The following ASXL2 variants were observed in gnomAD, a reference collection of about 807,000 sequenced individuals.
ASXL2 encodes the protein putative Polycomb group protein ASXL2.
In ASXL2, 23 loss-of-function variants were observed where a neutral mutation model predicts 122.0. That is an observed-to-expected ratio of 0.19 (90% CI 0.14 to 0.27). The LOEUF (loss-of-function observed/expected upper bound fraction) is 0.27, where lower values mean the gene tolerates loss of function less well. ASXL2 is among the 10% of genes least tolerant of loss of function. ASXL2 has a pLI of 1.00. For synonymous variants in ASXL2, 650 were observed against 637.0 expected, an observed-to-expected ratio of 1.02 and a Z score of -0.31; for missense variants, 1,518 against 1,713.8, an observed-to-expected ratio of 0.89 and a Z score of 2.02.
chr2:25,845,541 G>A lies in ASXL2; in HGVS notation c.80C>T (p.Thr27Ile). The change falls in exon 2 of 13, where the codon ACA becomes ATA. Residue 27 changes from threonine to isoleucine, a missense_variant. Physicochemically the swap from Thr to Ile is moderately conservative, Grantham distance 89 (BLOSUM62 -1). Transcript: ENST00000435504. ...AKTVLEKYPN[T>I]PMSHKEILQV... Reference sequence around the variant, plus strand: ...AAGAATTTCTTTATGACTCATGGGTGTATTGGGGTATTTTTCTAAGACCTG... The same window carrying A: ...AAGAATTTCTTTATGACTCATGGGTATATTGGGGTATTTTTCTAAGACCTG... The A allele has an allele frequency of 6.9e-7, 1 of 1,447,632 alleles. No individual in the cohort carries two copies. Among genetic ancestry groups the A allele is most frequent in the Non-Finnish European group, 9.2e-7 (1 of 1,091,566 alleles). The allele number at this position is 1,447,632 out of a possible 1,614,324, so 89.7% of individuals were successfully genotyped here.
intron 8 of ASXL2, among the ~76,000 whole-genome samples, chr2:25,767,111 C>A (rs1301587327): frequency 6.6e-6 from 1 of 152,054 alleles, no homozygotes; most frequent in Non-Finnish European, 1.5e-5. Flanking sequence ...TTTTGTATTT[C>A]TATATTATCA....
intron 1 of ASXL2, among the ~76,000 whole-genome samples, chr2:25,871,988 A>G (rs1052273060): frequency 2.0e-5 from 3 of 152,222 alleles, no homozygotes; most frequent in African/African-American, 7.2e-5. Context: ...TGAAAAGGAG[A>G]AATAAATTAT....
intron 6 of ASXL2, 77 bp downstream of exon 6, chr2:25,771,363 A>G: frequency 7.4e-7 from 1 of 1,349,924 alleles, no homozygotes; most frequent in Non-Finnish European, 1.0e-6. Context: ...TTTTCAAAAA[A>G]TATCCGATGA....
intron 3 of ASXL2, chr2:25,822,622 A>G (rs1264336178): frequency 1.4e-5 from 8 of 560,390 alleles, no homozygotes; most frequent in Non-Finnish European, 2.7e-5. Flanking sequence ...ATTTAAATGA[A>G]GTTGATCTTT....
At chr2:25,871,930 T>C (rs182344605) in intron 1 of ASXL2, among the ~76,000 whole-genome samples, 143 of 152,354 alleles carry the variant, frequency 9.4e-4, no homozygotes, top group Non-Finnish European at 1.1e-3. Context: ...ATCAGAGCAG[T>C]TCCTCAATTT....
chr2:25,818,371 C>T (rs1189013626), intron 3 of ASXL2, among the ~76,000 whole-genome samples: 1 of 152,138 alleles, frequency 6.6e-6, no homozygotes, highest in Non-Finnish European at 1.5e-5. Flanking sequence ...CTTAGCTGGG[C>T]ATGGTGGCGG....
chr2:25,758,019 C>T (rs2088170658), intron 9 of ASXL2, among the ~76,000 whole-genome samples: 5 of 151,964 alleles, frequency 3.3e-5, no homozygotes, highest in Non-Finnish European at 7.4e-5. Flanking sequence ...CAAGAACTGG[C>T]ATCCTCAAAG....
chr2:25,821,320 G>A (rs1042025523), intron 3 of ASXL2, among the ~76,000 whole-genome samples: 1 of 151,564 alleles, frequency 6.6e-6, no homozygotes, highest in Non-Finnish European at 1.5e-5. Flanking sequence ...CTGTACCACT[G>A]CACTCCAGCC....
chr2:25,876,639 T>C (rs2090011974), intron 1 of ASXL2, among the ~76,000 whole-genome samples: 1 of 152,204 alleles, frequency 6.6e-6, no homozygotes, highest in Non-Finnish European at 1.5e-5. Context: ...GAAAGAGGTC[T>C]TGAGGTATAC....
chr2:25,739,714 C>T lies in ASXL2; in HGVS notation c.*2315G>A. ...CTTAAAAATCCCTGATACCTTTCCT[C>T]CTTTCCTAGTTATAGTCTGTTCATC... is the stretch of plus-strand genomic sequence containing the variant. On this transcript the variant is annotated 3_prime_UTR_variant, in exon 13 of 13. Coordinates refer to ENST00000435504, the MANE Select transcript of ASXL2 (RefSeq NM_018263.6). 4.8e-6 allele frequency: 1 copy of T among 209,874 alleles called. No individual in the cohort carries two copies. Among genetic ancestry groups the T allele is most frequent in the Non-Finnish European group, 9.7e-6 (1 of 103,384 alleles). The allele number at this position is 209,874 out of a possible 1,614,324, so 13.0% of individuals were successfully genotyped here. A position where few individuals can be genotyped will look rare whatever the true frequency, so the allele number is the denominator to read the frequency against.
In ASXL2 at chr2:25,738,263, A is replaced by C. The variant is rs1326821928; in HGVS notation, c.*3766T>G. 3.3e-5 allele frequency: 5 copies of C among 152,200 alleles called. No homozygotes were observed. The highest frequency in any genetic ancestry group is 7.3e-5 in the Non-Finnish European group (5 of 68,036). The allele number at this position is 152,200 out of a possible 1,614,324, so 9.4% of individuals were successfully genotyped here. A position where few individuals can be genotyped will look rare whatever the true frequency, so the allele number is the denominator to read the frequency against. ...GTTGTATCAAATGTAAAGCATTAAA[A>C]AAAATAAAGTAACCAAGAATCTACG... On this transcript the variant is annotated 3_prime_UTR_variant, in exon 13 of 13. Coordinates refer to ENST00000435504, the MANE Select transcript of ASXL2 (RefSeq NM_018263.6).
intron 3 of ASXL2, among the ~76,000 whole-genome samples, chr2:25,817,278 A>C (rs939131438): frequency 3.3e-5 from 5 of 152,352 alleles, no homozygotes; most frequent in African/African-American, 1.2e-4. Flanking sequence ...ATACATTTGC[A>C]ATTAGGTAAC....
At chr2:25,852,684 A>G (rs2089730662) in intron 1 of ASXL2, among the ~76,000 whole-genome samples, 2 of 152,250 alleles carry the variant, frequency 1.3e-5, no homozygotes, top group South Asian at 4.1e-4. Flanking sequence ...CCAGAGAAGA[A>G]AAACTAGGAA....
intron 3 of ASXL2, among the ~76,000 whole-genome samples, chr2:25,815,026 T>C (rs2089216698): frequency 6.6e-6 from 1 of 152,198 alleles, no homozygotes. Context: ...ATTCAGTAAC[T>C]ACAGCAGTTA....
intron 9 of ASXL2, among the ~76,000 whole-genome samples, chr2:25,758,415 A>C (rs1336705997): frequency 1.3e-5 from 2 of 152,110 alleles, no homozygotes; most frequent in Non-Finnish European, 2.9e-5. Context: ...GGTTGGGGAG[A>C]CCTATCACAT....
At chr2:25,761,826 G>C (rs11893562) in intron 8 of ASXL2, among the ~76,000 whole-genome samples, 42,327 of 151,814 alleles carry the variant, frequency 0.28, 6,218 homozygotes, top group African/African-American at 0.33. Context: ...AAAATGAACA[G>C]GAAAGGACAT....
At position 25,850,565 on chromosome 2, in the gene ASXL2, C is replaced by T. The variant is rs997466430; in HGVS notation, c.58-5002G>A. Among the ~76,000 whole-genome samples the T allele has an allele frequency of 3.3e-5, 5 of 152,100 alleles. No homozygotes were observed. The South Asian group carries it at 1.0e-3, about 32-fold the overall frequency. On this transcript the variant is annotated intron_variant, in intron 1 of 12. Transcript: ENST00000435504. The stretch of plus-strand genomic sequence containing the variant: ...CATAGGCTTATGGTATACTTCCTAC[C>T]ACACCACATCAGAACACACAAAACA...
At chr2:25,844,975 C>T (rs1385771843) in intron 2 of ASXL2, among the ~76,000 whole-genome samples, 1 of 152,124 alleles carries the variant, frequency 6.6e-6, no homozygotes, top group Non-Finnish European at 1.5e-5. Context: ...AAATTAAAGT[C>T]TGTGTTATCT....
chr2:25,864,919 C>A (rs2149201609), intron 1 of ASXL2, among the ~76,000 whole-genome samples: 1 of 151,870 alleles, frequency 6.6e-6, no homozygotes, highest in African/African-American at 2.4e-5. Context: ...GCAATCTCCA[C>A]CTCCTGGATT....
Sources: allele counts gnomAD v4.1 joint callset (sites outside exome capture counted in the v4.1 genomes callset), GRCh38; gene constraint gnomAD v4.1.1; transcripts MANE v1.5; gene names NCBI Gene and HGNC (gene_info 2026-07-23, HGNC 2026-07-21).